Variants in CERS6 observed in about 807,000 individuals in gnomAD.
CERS6 encodes the protein LAG1 homolog, ceramide synthase 6.
In CERS6, 26 loss-of-function variants were observed where a neutral mutation model predicts 56.8. The ratio of observed to expected loss-of-function variants is 0.46; its 90% CI spans 0.34 to 0.63. The LOEUF is 0.63. Among genes scored for constraint, CERS6 ranks in the 30% least tolerant of loss-of-function variants. The probability of loss-of-function intolerance (pLI) is 0.01; values close to 1 mark genes in which losing one functional copy is unlikely to be tolerated. For synonymous variants in CERS6, 164 were observed against 173.3 expected, an observed-to-expected ratio of 0.95 and a Z score of 0.42; for missense variants, 415 against 467.5, an observed-to-expected ratio of 0.89 and a Z score of 1.04.
intron 1 of CERS6, among the ~76,000 whole-genome samples, chr2:168,529,490 C>T (rs527439117): frequency 1.2e-4 from 19 of 152,082 alleles, no homozygotes; most frequent in Non-Finnish European, 8.8e-5. Context: ...AACCAGGTAC[C>T]GATCATTGAT....
At chr2:168,718,237 C>G (rs1011032527) in intron 8 of CERS6, among the ~76,000 whole-genome samples, 1 of 152,132 alleles carries the variant, frequency 6.6e-6, no homozygotes, top group South Asian at 2.1e-4. Context: ...ATAGAAGGCA[C>G]TAGTCTAGAA....
At chr2:168,510,957 T>C (rs540935596) in intron 1 of CERS6, among the ~76,000 whole-genome samples, 32 of 152,316 alleles carry the variant, frequency 2.1e-4, no homozygotes, top group African/African-American at 7.7e-4. Context: ...ATACAAACAC[T>C]AAGTGGTAGA....
intron 1 of CERS6, among the ~76,000 whole-genome samples, chr2:168,492,088 A>G (rs1424261968): frequency 6.6e-6 from 1 of 152,226 alleles, no homozygotes; most frequent in Non-Finnish European, 1.5e-5. Flanking sequence ...ATACGTGTGC[A>G]TGTGTCTTGA....
chr2:168,725,382 C>T (rs746791520), intron 8 of CERS6, among the ~76,000 whole-genome samples: 8 of 152,250 alleles, frequency 5.3e-5, no homozygotes, highest in South Asian at 2.1e-4. Context: ...CCTCAAGTGC[C>T]GCCAAAGTGG....
At chr2:168,674,546 T>C (rs1377109475) in intron 4 of CERS6, among the ~76,000 whole-genome samples, 1 of 152,236 alleles carries the variant, frequency 6.6e-6, no homozygotes, top group African/African-American at 2.4e-5. Flanking sequence ...TTCTGAATAT[T>C]ATTTATTTGG....
intron 4 of CERS6, among the ~76,000 whole-genome samples, chr2:168,660,509 T>C (rs1381615826): frequency 6.6e-6 from 1 of 152,170 alleles, no homozygotes; most frequent in African/African-American, 2.4e-5. Context: ...GTTTTCACAC[T>C]CTTCTAAACT....
intron 1 of CERS6, among the ~76,000 whole-genome samples, chr2:168,457,255 T>A (rs1400362716): frequency 6.6e-6 from 1 of 152,196 alleles, no homozygotes; most frequent in Non-Finnish European, 1.5e-5. Flanking sequence ...GCGGTTTCTT[T>A]AAAAGAGGAT....
At chr2:168,727,582 G>A (rs1477965679) in intron 8 of CERS6, among the ~76,000 whole-genome samples, 1 of 151,856 alleles carries the variant, frequency 6.6e-6, no homozygotes, top group African/African-American at 2.4e-5. Context: ...AGGAGACTCA[G>A]TCATCCTTTT....
chr2:168,633,749 A>G (rs1684801470), intron 4 of CERS6, among the ~76,000 whole-genome samples: 1 of 152,228 alleles, frequency 6.6e-6, no homozygotes, highest in South Asian at 2.1e-4. Flanking sequence ...TGCATCAGAA[A>G]TAATCAAAAC....
intron 1 of CERS6, among the ~76,000 whole-genome samples, chr2:168,535,672 T>C (rs1294781964): frequency 6.8e-6 from 1 of 148,088 alleles, no homozygotes; most frequent in Non-Finnish European, 1.5e-5. Flanking sequence ...GATACCAGTT[T>C]TTTTTTTTTT....
At chr2:168,725,746 G>A (rs1395724147) in intron 8 of CERS6, among the ~76,000 whole-genome samples, 1 of 152,132 alleles carries the variant, frequency 6.6e-6, no homozygotes, top group Non-Finnish European at 1.5e-5. Flanking sequence ...GCAATCACTG[G>A]TGCCCCACCT....
chr2:168,485,976 C>G (rs1202303535), intron 1 of CERS6, among the ~76,000 whole-genome samples: 1 of 152,126 alleles, frequency 6.6e-6, no homozygotes, highest in East Asian at 1.9e-4. Flanking sequence ...GTATTTCCAC[C>G]AACAGTGCAT....
intron 3 of CERS6, among the ~76,000 whole-genome samples, chr2:168,578,837 G>A (rs1372683995): frequency 6.6e-6 from 1 of 152,114 alleles, no homozygotes; most frequent in East Asian, 1.9e-4. Flanking sequence ...TGCCTAAAAA[G>A]TAATCCTCGG....
intron 1 of CERS6, among the ~76,000 whole-genome samples, chr2:168,529,780 G>A (rs1363012218): frequency 6.6e-6 from 1 of 152,196 alleles, no homozygotes; most frequent in African/African-American, 2.4e-5. Context: ...CATTTTGAGG[G>A]TTGACTGAGA....
At chr2:168,748,962 CCT>C (rs768708364) in intron 8 of CERS6, among the ~76,000 whole-genome samples, 15 of 151,444 alleles carry the variant, frequency 9.9e-5, no homozygotes, top group Non-Finnish European at 1.9e-4. Context: ...TTTCCCACCC[CCT>C]GATTCCTGCC....
chr2:168,633,231 A>C (rs1684789183), intron 4 of CERS6, among the ~76,000 whole-genome samples: 1 of 151,502 alleles, frequency 6.6e-6, no homozygotes, highest in African/African-American at 2.4e-5. Flanking sequence ...TGTTGAATTA[A>C]TTTGTGTGGG....
intron 3 of CERS6, among the ~76,000 whole-genome samples, chr2:168,599,498 A>G (rs989502494): frequency 7.2e-5 from 11 of 152,206 alleles, no homozygotes; most frequent in Non-Finnish European, 1.3e-4. Flanking sequence ...TAAAACGAAC[A>G]TTGTCGGAGT....
chr2:168,763,713 G>T (rs1684646980), intron 8 of CERS6, among the ~76,000 whole-genome samples: 1 of 152,126 alleles, frequency 6.6e-6, no homozygotes, highest in African/African-American at 2.4e-5. Context: ...CTTCCCTTTA[G>T]CCAGTAAGTG....
At chr2:168,726,160 C>G (rs6754060) in intron 8 of CERS6, among the ~76,000 whole-genome samples, 152,049 of 152,348 alleles carry the variant, frequency 1, 75,875 homozygotes, top group Middle Eastern at 1. Flanking sequence ...CATTTTCTTA[C>G]TTGATTTCCT....
Sources: allele counts gnomAD v4.1 joint callset (sites outside exome capture counted in the v4.1 genomes callset), GRCh38; gene constraint gnomAD v4.1.1; transcripts MANE v1.5; gene names NCBI Gene and HGNC (gene_info 2026-07-23, HGNC 2026-07-21).